Variants in MIDN observed in about 807,000 individuals in gnomAD.
MIDN encodes midbrain nucleolar protein.
MIDN carries 26 observed loss-of-function variants against 46.1 expected under a neutral mutation model. The ratio of observed to expected loss-of-function variants is 0.56; its 90% CI spans 0.41 to 0.78. The LOEUF (loss-of-function observed/expected upper bound fraction) is 0.78. Among genes scored for constraint, MIDN ranks in the 30% least tolerant of loss-of-function variants. The pLI, the probability that MIDN is intolerant of heterozygous loss-of-function variation, is 0.00. For missense variants in MIDN, 850 were observed against 771.8 expected (o/e 1.10, Z -1.20); for synonymous variants, 432 against 343.3 (o/e 1.26, Z -2.86).
At chr19:1,252,782 C>T (rs1011514349) in intron 4 of MIDN, among the ~76,000 whole-genome samples, 5 of 152,256 alleles carry the variant, frequency 3.3e-5, no homozygotes, top group South Asian at 4.1e-4. Context: ...GAGTCCTGCC[C>T]TTTCCCTACA....
intron 2 of MIDN, 119 bp downstream of exon 2, chr19:1,250,648 C>T (rs1003789219): frequency 5.2e-6 from 2 of 383,644 alleles, no homozygotes; most frequent in East Asian, 1.0e-4. Flanking sequence ...GGGCGCGCCG[C>T]GCGCTCTCGG....
chr19:1,256,276 G>A (rs992858952), intron 8 of MIDN, among the ~76,000 whole-genome samples: 2 of 152,216 alleles, frequency 1.3e-5, no homozygotes, highest in Admixed American at 1.3e-4. Context: ...GAGGTCAGGA[G>A]ATCGAGACCA....
At chr19:1,251,449 G>A in intron 2 of MIDN, 113 bp from the exon 3 acceptor site, 3 of 899,212 alleles carry the variant, frequency 3.3e-6, no homozygotes, top group South Asian at 1.6e-5. Context: ...AAGGGGTGGG[G>A]GTGGGAACTT....
In MIDN at chr19:1,251,635, G is replaced by T. The variant is rs1167616422; in HGVS notation, c.307G>T (p.Glu103Ter). 6.2e-7 allele frequency: 1 copy of T among 1,609,664 alleles called. No individual in the cohort carries two copies. Among genetic ancestry groups the T allele is most frequent in the Non-Finnish European group, 8.5e-7 (1 of 1,178,472 alleles). Residue 103 changes from glutamate (E) to a stop codon, truncating the protein, a stop_gained, in exon 3 of 9, where the codon GAA becomes TAA. Coordinates refer to ENST00000682408, the MANE Select transcript of MIDN (RefSeq NM_001388306.1). LOFTEE classifies it high-confidence loss of function. ...GSKLTLVPTVEAGLMSQASRP... is the reference protein window; with the variant it reads ...GSKLTLVPTV ...CAAGCTGACCTTGGTACCCACCGTG[G>T]AAGCGGGCCTCATGGTAAATGGCCA... is the stretch of plus-strand genomic sequence containing the variant.
chr19:1,251,546 T>G lies in MIDN; in HGVS notation c.234-16T>G. ...TCGTCTCCGCGGAGTCTCATGCTCT[T>G]CCTTCCTCCCCCCAGCCGGCTCAGT... On this transcript the variant is annotated splice_polypyrimidine_tract_variant and intron_variant, in intron 2 of 8. Transcript: ENST00000682408. 6.2e-7 allele frequency: 1 copy of G among 1,606,688 alleles called. No individual in the cohort carries two copies. Among genetic ancestry groups the G allele is most frequent in the Non-Finnish European group, 8.5e-7 (1 of 1,177,590 alleles).
At position 1,254,455 on chromosome 19, in the gene MIDN, G is replaced by A. The variant is rs1351601882; in HGVS notation, c.802G>A (p.Ala268Thr). ...PITAGSFRSH[A>T]ASTTCPEQMD... is the part of the protein sequence containing the mutation. ...CACAGCCGGCTCCTTCCGGTCCCAC[G>A]CAGCCTCCACCACCTGCCCGGAGGT... is the stretch of plus-strand genomic sequence containing the variant. The change falls in exon 6 of 9, where the codon GCA becomes ACA. Residue 268 changes from alanine to threonine, a missense_variant. Physicochemically the swap from Ala to Thr is moderately conservative, Grantham distance 58. Transcript: ENST00000682408. 1.9e-6 allele frequency: 3 copies of A among 1,561,584 alleles called. No homozygotes were observed. Among genetic ancestry groups the A allele is most frequent in the Non-Finnish European group, 8.6e-7 (1 of 1,160,832 alleles).
Position 1,257,258 on chromosome 19 carries a change from T to C in MIDN, c.1522T>C (p.Phe508Leu). ...PEVNPDIKSE[F>L]VVA ...AGTCAACCCTGACATCAAGTCAGAG[T>C]TCGTGGTGGCTTAGGATCTTCGGAT... The change falls in exon 9 of 9, where the codon TTC becomes CTC. Residue 508 changes from phenylalanine to leucine, a missense_variant. Physicochemically the swap from Phe to Leu is conservative, Grantham distance 22 (BLOSUM62 0). Transcript: ENST00000682408. The C allele has an allele frequency of 6.2e-7, 1 of 1,611,954 alleles. No homozygotes were observed.
At position 1,253,966 on chromosome 19, in the gene MIDN, C is replaced by G. The variant is rs1256299035; in HGVS notation, c.397C>G (p.Pro133Ala). 1.4e-6 allele frequency: 2 copies of G among 1,393,228 alleles called. No homozygotes were observed. The highest frequency in any genetic ancestry group is 3.4e-5 in the Admixed American group (1 of 29,356). 86.3% of individuals were successfully genotyped at this position (1,393,228 alleles called of 1,614,324 possible). A position where few individuals can be genotyped will look rare whatever the true frequency, so the allele number is the denominator to read the frequency against. The change falls in exon 5 of 9, where the codon CCC becomes GCC. Residue 133 changes from proline (P) to alanine (A), a missense_variant. Physicochemically the swap from Pro to Ala is conservative, Grantham distance 27. Coordinates refer to ENST00000682408, the MANE Select transcript of MIDN (RefSeq NM_001388306.1). Reference sequence around the variant, plus strand: ...TCTGTCCCCACAGCCCCCAGCGGCGCCCGGGCCGGGCCGGGCTGGCGGAGG... The same window carrying G: ...TCTGTCCCCACAGCCCCCAGCGGCGGCCGGGCCGGGCCGGGCTGGCGGAGG... Reference protein sequence around the residue: ...SLTETQPPAAPGPGRAGGGGF... With the variant: ...SLTETQPPAAAGPGRAGGGGF...
rs368362828 is a variant in MIDN, at chr19:1,257,146, C to T, written c.1410C>T (p.Ser470=). ...HWSPSRKAGR[S]DSSSSGGGGS... ...CACCCAGCCGCAAGGCCGGCCGCAG[C>T]GACAGCAGTAGCAGCGGGGGCGGCG... The change falls in exon 9 of 9, where the codon AGC becomes AGT. Residue 470 remains serine, a synonymous_variant. Transcript: ENST00000682408. 42 of 1,611,366 alleles carry T rather than the reference C, an allele frequency of 2.6e-5. No homozygotes were observed. The highest frequency in any genetic ancestry group is 1.3e-4 in the East Asian group (6 of 44,860).
In MIDN at chr19:1,257,967, G is replaced by A. The variant is rs926069573; in HGVS notation, c.*695G>A. ...CAAAGCTGTTTTAGCAGAGGCTGGG[G>A]CTGAGGTCCCCATGGGGTTTGGGTG... is the stretch of plus-strand genomic sequence containing the variant. On this transcript the variant is annotated 3_prime_UTR_variant, in exon 9 of 9. Coordinates refer to ENST00000682408, the MANE Select transcript of MIDN (RefSeq NM_001388306.1). 1.3e-5 allele frequency: 2 copies of A among 152,422 alleles called. No homozygotes were observed. The highest frequency in any genetic ancestry group is 4.8e-5 in the African/African-American group (2 of 41,430). The allele number at this position is 152,422 out of a possible 1,614,324, so 9.4% of individuals were successfully genotyped here.
rs769083071 is a variant in MIDN, at chr19:1,251,562, C to A, written c.234C>A (p.Thr78=). ...KERLALLHKD[T]RLSSGKLQEF... is the part of the protein sequence containing the mutation. ...TCATGCTCTTCCTTCCTCCCCCCAG[C>A]CGGCTCAGTTCGGGGAAGCTGCAGG... The change falls in exon 3 of 9, where the codon ACC becomes ACA. Residue 78 remains threonine (T), a splice_region_variant and synonymous_variant. Transcript: ENST00000682408. 1 of 1,607,366 alleles carries A rather than the reference C, an allele frequency of 6.2e-7. No homozygotes were observed. The highest frequency in any genetic ancestry group is 8.5e-7 in the Non-Finnish European group (1 of 1,177,834).
chr19:1,256,173 C>T (rs917624216), intron 8 of MIDN, among the ~76,000 whole-genome samples: 1 of 152,266 alleles, frequency 6.6e-6, no homozygotes, highest in African/African-American at 2.4e-5. Flanking sequence ...GCGGGGGCTC[C>T]TCCCAGCTCA....
chr19:1,252,676 C>T (rs966914607), intron 4 of MIDN, among the ~76,000 whole-genome samples: 5 of 152,118 alleles, frequency 3.3e-5, no homozygotes, highest in East Asian at 1.9e-4. Context: ...GGGTGGGGGA[C>T]GCAGGCTGCC....
At chr19:1,249,448 G>GC (rs949878195) in intron 1 of MIDN, among the ~76,000 whole-genome samples, 2 of 149,596 alleles carry the variant, frequency 1.3e-5, no homozygotes, top group African/African-American at 4.9e-5. Context: ...CCCTCCCGGC[G>GC]CCGGGAACAA....
chr19:1,248,924 C>T (rs1253521667), intron 1 of MIDN, among the ~76,000 whole-genome samples: 1 of 152,012 alleles, frequency 6.6e-6, no homozygotes, highest in Non-Finnish European at 1.5e-5. Flanking sequence ...CTCCGTTGCC[C>T]AGCCACACGG....
rs771210740 is a variant in MIDN at position 1,254,193 on chromosome 19, G to A, written c.540G>A (p.Ser180=). 11 of 1,598,220 alleles carry A rather than the reference G, an allele frequency of 6.9e-6. No homozygotes were observed. The highest frequency in any genetic ancestry group is 1.7e-5 in the Admixed American group (1 of 59,576). ...PQVSDFLSGR[S]PLTLALRVGD... The stretch of plus-strand genomic sequence containing the variant: ...TCAGTGACTTCCTGTCGGGCCGTTC[G>A]CCACTGACACTGGCCTTGCGTGTGG... Residue 180 remains serine (S), a synonymous_variant, in exon 6 of 9, where the codon TCG becomes TCA. Transcript: ENST00000682408.
chr19:1,249,182 G>A (rs913049510), intron 1 of MIDN, among the ~76,000 whole-genome samples: 1 of 148,680 alleles, frequency 6.7e-6, no homozygotes, highest in African/African-American at 2.4e-5. Context: ...CGGGGAAACG[G>A]GTTCTGCCCG....
intron 4 of MIDN, among the ~76,000 whole-genome samples, chr19:1,253,493 G>T (rs528271880): frequency 9.5e-4 from 145 of 152,246 alleles, no homozygotes; most frequent in African/African-American, 3.4e-3. Flanking sequence ...GCTTGGCGAG[G>T]ACAGGGTGAG....
intron 8 of MIDN, 24 bp from the exon 9 acceptor site, chr19:1,256,971 C>T (rs751044973): frequency 1.2e-6 from 2 of 1,604,184 alleles, no homozygotes; most frequent in Non-Finnish European, 8.5e-7. Flanking sequence ...CTTTGGGAGT[C>T]ACAGGCCACT....
Sources: gnomAD v4.1 joint callset for allele counts (sites outside exome capture counted in the v4.1 genomes callset) on GRCh38, gnomAD v4.1.1 for gene constraint, MANE v1.5 for transcripts, NCBI Gene and HGNC (gene_info 2026-07-23, HGNC 2026-07-21) for gene names.